The following IL15RA variants were observed in gnomAD, a reference collection of about 807,000 sequenced individuals.
The protein encoded by IL15RA is interleukin 15 receptor subunit alpha.
A neutral mutation model predicts 24.2 loss-of-function variants in IL15RA; 26 were observed. That is an observed-to-expected ratio of 1.07 (90% confidence interval 0.79 to 1.49). The LOEUF is 1.49. Ranked by LOEUF, IL15RA falls within the 40% of genes most tolerant of loss-of-function variation. The pLI is 0.00. For missense variants in IL15RA, 354 were observed against 356.4 expected (o/e 0.99, Z 0.05); for synonymous variants, 166 against 157.6 (o/e 1.05, Z -0.40).
chr10:5,977,629 C>G, upstream of IL15RA: 1 of 1,262,698 alleles, frequency 7.9e-7, no homozygotes, highest in Non-Finnish European at 1.0e-6. Context: ...CCCCCGAGGG[C>G]TCGGAGAGGT....
In IL15RA at chr10:5,973,096, A is replaced by G. The variant is rs1023830677; in HGVS notation, c.88+4309T>C. ...TCAGTTGCTTCTGGCCATCGCCCGCAATCTTTCAGACTGAAATGCTCTCTA... is the reference window on the plus strand; with the variant it reads ...TCAGTTGCTTCTGGCCATCGCCCGCGATCTTTCAGACTGAAATGCTCTCTA... On this transcript the variant is annotated intron_variant, in intron 1 of 6. Coordinates refer to ENST00000379977, the MANE Select transcript of IL15RA (RefSeq NM_002189.4). The surrounding 1 kb of genome is among the most constrained non-coding windows in gnomAD (Gnocchi z 4.5). Among the ~76,000 whole-genome samples the G allele has an allele frequency of 6.6e-6, 1 of 152,242 alleles. No individual in the cohort carries two copies. Among genetic ancestry groups the G allele is most frequent in the African/African-American group, 2.4e-5 (1 of 41,464 alleles).
rs1836036820 is a variant in IL15RA at position 5,963,929 on chromosome 10, A to G, written c.284-88T>C. 2.5e-6 allele frequency: 2 copies of G among 787,398 alleles called. No individual in the cohort carries two copies. The highest frequency in any genetic ancestry group is 4.0e-6 in the Non-Finnish European group (2 of 500,834). The allele number at this position is 787,398 out of a possible 1,614,324, so 48.8% of individuals were successfully genotyped here. A position where few individuals can be genotyped will look rare whatever the true frequency, so the allele number is the denominator to read the frequency against. On this transcript the variant is annotated intron_variant, in intron 2 of 6. Transcript: ENST00000379977. The surrounding 1 kb of genome is among the most constrained non-coding windows in gnomAD (Gnocchi z 5.3). ...AACGGGATACAAATAAAATATATCA[A>G]CACATGAACTTACAGTGGAGGCCTC...
rs147288018 is a variant in IL15RA at position 5,968,847 on chromosome 10, G to T, written c.89-2508C>A. 3 of 917,396 alleles carry T rather than the reference G, an allele frequency of 3.3e-6. No homozygotes were observed. The highest frequency in any genetic ancestry group is 1.6e-5 in the African/African-American group (1 of 61,146). 56.8% of individuals were successfully genotyped at this position (917,396 alleles called of 1,614,324 possible). ...TTCCATTGTCCTGAGTCTCACGCAG[G>T]CCTCGTGTGTCTGGACCTCATGGTT... On this transcript the variant is annotated intron_variant, in intron 1 of 6. Coordinates refer to ENST00000379977, the MANE Select transcript of IL15RA (RefSeq NM_002189.4). The surrounding 1 kb of genome is among the most constrained non-coding windows in gnomAD (Gnocchi z 5.4).
chr10:5,949,191 G>A (rs1244825344), downstream of IL15RA: 1 of 471,162 alleles, frequency 2.1e-6, no homozygotes, highest in Non-Finnish European at 4.4e-6. The surrounding 1 kb of genome is among the most constrained non-coding windows in gnomAD (Gnocchi z 4.4). Context: ...ACGCCAGGAG[G>A]AGCCTTGTAA....
In IL15RA at chr10:5,967,150, G is replaced by A. The variant is rs531416400; in HGVS notation, c.89-811C>T. On this transcript the variant is annotated intron_variant, in intron 1 of 6. Coordinates refer to ENST00000379977, the MANE Select transcript of IL15RA (RefSeq NM_002189.4). The surrounding 1 kb of genome is among the most constrained non-coding windows in gnomAD (Gnocchi z 4.4). ...TGCACATGTGTGTGTTAGCTTGGCA[G>A]TACTTGCAAGATCGGGCCTTGCCTT... 1.3e-5 allele frequency among the ~76,000 whole-genome samples: 2 copies of A among 152,302 alleles called. No individual in the cohort carries two copies. Among genetic ancestry groups the A allele is most frequent in the Admixed American group, 1.3e-4 (2 of 15,306 alleles).
Position 5,971,214 on chromosome 10 carries a change from G to A in IL15RA, c.89-4875C>T, listed in dbSNP as rs1837553483. ...TTCTGTGGTACTCTCACTTTCCTAC[G>A]GCTGGTATACGATAGATATTTTCTG... On this transcript the variant is annotated intron_variant, in intron 1 of 6. Transcript: ENST00000379977. This position sits in a 1 kb window ranked among gnomAD's most constrained non-coding sequence, Gnocchi z 5.5. Among the ~76,000 whole-genome samples, 3 of 152,060 alleles carry A rather than the reference G, an allele frequency of 2.0e-5. No homozygotes were observed. Among genetic ancestry groups the A allele is most frequent in the Non-Finnish European group, 2.9e-5 (2 of 68,028 alleles).
At position 5,959,097 on chromosome 10, in the gene IL15RA, C is replaced by T. The variant is rs1234018672; in HGVS notation, c.616+657G>A. Among the ~76,000 whole-genome samples, 2 of 151,722 alleles carry T rather than the reference C, an allele frequency of 1.3e-5. No individual in the cohort carries two copies. The highest frequency in any genetic ancestry group is 2.9e-5 in the Non-Finnish European group (2 of 67,928). On this transcript the variant is annotated intron_variant, in intron 5 of 6. Transcript: ENST00000379977. This position sits in a 1 kb window ranked among gnomAD's most constrained non-coding sequence, Gnocchi z 4.1. ...TTCTATTCTCCTAGCCTTAGCATTG[C>T]GTGTGACTTCTGTAAAGAGGAGCAG...
At chr10:5,949,389 A>G (rs1398038434), downstream of IL15RA, 8 of 470,316 alleles carry the variant, frequency 1.7e-5, no homozygotes, top group Admixed American at 1.9e-4. The surrounding 1 kb of genome is among the most constrained non-coding windows in gnomAD (Gnocchi z 4.4). Context: ...TATAGTGCCT[A>G]ATATTACCTA....
chr10:5,956,580 C>A, intron 5 of IL15RA, 126 bp from the exon 6 acceptor site: 1 of 710,026 alleles, frequency 1.4e-6, no homozygotes, highest in South Asian at 1.6e-5. Context: ...CTGCTAAGGA[C>A]ATTTCTTAAG....
chr10:5,949,991 G>T (rs1833761901), downstream of IL15RA, among the ~76,000 whole-genome samples: 1 of 152,134 alleles, frequency 6.6e-6, no homozygotes, highest in Non-Finnish European at 1.5e-5. This position sits in a 1 kb window ranked among gnomAD's most constrained non-coding sequence, Gnocchi z 4.4. Flanking sequence ...AGCTACTTGG[G>T]AGGCTGAGGC....
chr10:5,953,444 T>C lies in IL15RA; in HGVS notation c.693-238A>G. 5.8e-6 allele frequency: 4 copies of C among 684,144 alleles called. No individual in the cohort carries two copies. Among genetic ancestry groups the C allele is most frequent in the South Asian group, 4.6e-5 (3 of 64,936 alleles). 42.4% of individuals were successfully genotyped at this position (684,144 alleles called of 1,614,324 possible). ...GGGGCCAGGTGTGGTGGCGCATGCCTGTAATCCTAGCACTTTAGGAGGCTG... is the reference window on the plus strand; with the variant it reads ...GGGGCCAGGTGTGGTGGCGCATGCCCGTAATCCTAGCACTTTAGGAGGCTG... On this transcript the variant is annotated intron_variant, in intron 6 of 6. Transcript: ENST00000379977. The surrounding 1 kb of genome is among the most constrained non-coding windows in gnomAD (Gnocchi z 5.3).
Position 5,964,872 on chromosome 10 carries a change from C to T in IL15RA, c.284-1031G>A, listed in dbSNP as rs1383170248. Among the ~76,000 whole-genome samples, 17 of 152,346 alleles carry T rather than the reference C, an allele frequency of 1.1e-4. No individual in the cohort carries two copies. The highest frequency in any genetic ancestry group is 1.5e-5 in the Non-Finnish European group (1 of 68,032). ...AGCTTTCCCATTCACTCACTGATGC[C>T]ACGGGGTGCTGTGTCCCCAGCGAGT... On this transcript the variant is annotated intron_variant, in intron 2 of 6. Transcript: ENST00000379977. This position sits in a 1 kb window ranked among gnomAD's most constrained non-coding sequence, Gnocchi z 5.6.
chr10:5,956,457 GA>G lies in IL15RA; in HGVS notation c.617-4del, dbSNP rs1267332920. The G allele has an allele frequency of 2.5e-6, 4 of 1,611,998 alleles. No individual in the cohort carries two copies. The highest frequency in any genetic ancestry group is 3.4e-6 in the Non-Finnish European group (4 of 1,178,034). On this transcript the variant is annotated splice_region_variant and splice_polypyrimidine_tract_variant and intron_variant, in intron 5 of 6. Transcript: ENST00000379977. ...GACAGTGGACGTGGAGATAGCCACT[GA>G]AAGGGAGGAGACCACGCTGAGATAC...
chr10:5,955,101 A>AT lies in IL15RA; in HGVS notation c.692+1277dup, dbSNP rs59892494. Reference sequence around the variant, plus strand: ...AAAATTAGGCTCAAAGGGTCACATAATTTTTTTTTTTTTTTGAGATGGAGT... The same window carrying AT: ...AAAATTAGGCTCAAAGGGTCACATAATTTTTTTTTTTTTTTTGAGATGGAGT... On this transcript the variant is annotated intron_variant, in intron 6 of 6. Transcript: ENST00000379977. This position sits in a 1 kb window ranked among gnomAD's most constrained non-coding sequence, Gnocchi z 5.3. Among the ~76,000 whole-genome samples, 3,582 of 144,134 alleles carry AT rather than the reference A, an allele frequency of 0.025. 65 individuals are homozygous for AT. Among genetic ancestry groups the AT allele is most frequent in the South Asian group, 0.061 (276 of 4,540 alleles). 94.6% of individuals were successfully genotyped at this position (144,134 alleles called of 152,430 possible).
rs1160933148 is a variant in IL15RA, at chr10:5,961,713, G to A, written c.383-1146C>T. On this transcript the variant is annotated intron_variant, in intron 3 of 6. Coordinates refer to ENST00000379977, the MANE Select transcript of IL15RA (RefSeq NM_002189.4). This position sits in a 1 kb window ranked among gnomAD's most constrained non-coding sequence, Gnocchi z 5.2. ...GAAGGTGGCTGCCCCTGCACTGTAA[G>A]GGTGTGGCGTAACTGTGCTGTTCCC... Among the ~76,000 whole-genome samples the A allele has an allele frequency of 6.6e-6, 1 of 152,250 alleles. No homozygotes were observed. Among genetic ancestry groups the A allele is most frequent in the Non-Finnish European group, 1.5e-5 (1 of 68,050 alleles).
At position 5,967,325 on chromosome 10, in the gene IL15RA, C is replaced by T. The variant is rs1420405083; in HGVS notation, c.89-986G>A. Among the ~76,000 whole-genome samples, 2 of 152,196 alleles carry T rather than the reference C, an allele frequency of 1.3e-5. No individual in the cohort carries two copies. The highest frequency in any genetic ancestry group is 6.5e-5 in the Admixed American group (1 of 15,288). On this transcript the variant is annotated intron_variant, in intron 1 of 6. Transcript: ENST00000379977. The surrounding 1 kb of genome is among the most constrained non-coding windows in gnomAD (Gnocchi z 4.4). ...GTTCAAGCGATTCTCCTGCCTCAGC[C>T]TCCTGAATAGCTGTGACTACAGGTG...
In IL15RA at chr10:5,961,754, T is replaced by G. The variant is rs1437726961; in HGVS notation, c.383-1187A>C. 6.6e-6 allele frequency among the ~76,000 whole-genome samples: 1 copy of G among 152,228 alleles called. No individual in the cohort carries two copies. The highest frequency in any genetic ancestry group is 2.4e-5 in the African/African-American group (1 of 41,458). ...TGCTGTTCCCTCTCCATGAAAAATGTGTCTTCCATTGTGACAGCCACGGAA... is the reference window on the plus strand; with the variant it reads ...TGCTGTTCCCTCTCCATGAAAAATGGGTCTTCCATTGTGACAGCCACGGAA... On this transcript the variant is annotated intron_variant, in intron 3 of 6. Coordinates refer to ENST00000379977, the MANE Select transcript of IL15RA (RefSeq NM_002189.4). This position sits in a 1 kb window ranked among gnomAD's most constrained non-coding sequence, Gnocchi z 5.2.
At chr10:5,950,733 G>C (rs1833803722), downstream of IL15RA, 1 of 152,472 alleles carries the variant, frequency 6.6e-6, no homozygotes, top group African/African-American at 2.4e-5. This position sits in a 1 kb window ranked among gnomAD's most constrained non-coding sequence, Gnocchi z 5.6. Context: ...TGTTCTTTCA[G>C]CCAGTGTGAC....
At chr10:5,951,173 AT>A (rs1327065217), downstream of IL15RA, among the ~76,000 whole-genome samples, 36 of 120,698 alleles carry the variant, frequency 3.0e-4, no homozygotes, top group African/African-American at 4.5e-4. Flanking sequence ...AAAAAAAAAA[AT>A]ATTAGCCAGG....
Sources: allele counts gnomAD v4.1 joint callset (sites outside exome capture counted in the v4.1 genomes callset), GRCh38; gene constraint gnomAD v4.1.1; non-coding constraint Gnocchi (gnomAD v3.1); transcripts MANE v1.5; gene names NCBI Gene and HGNC (gene_info 2026-07-23, HGNC 2026-07-21).